Variants in CLSPN observed in about 807,000 individuals in gnomAD.
The protein encoded by CLSPN is claspin homolog.
A neutral mutation model predicts 156.3 loss-of-function variants in CLSPN; 85 were observed. That is an observed-to-expected ratio of 0.54 (90% CI 0.46 to 0.65). CLSPN has a LOEUF of 0.65. Among genes scored for constraint, CLSPN ranks in the 30% least tolerant of loss-of-function variants. CLSPN has a pLI of 0.00. For missense variants in CLSPN, 1,407 were observed against 1,554.9 expected (o/e 0.90, Z 1.60); for synonymous variants, 534 against 542.4 (o/e 0.98, Z 0.22).
chr1:35,769,331 T>G (rs972415472), intron 1 of CLSPN, among the ~76,000 whole-genome samples: 13 of 152,292 alleles, frequency 8.5e-5, no homozygotes, highest in African/African-American at 2.6e-4. Flanking sequence ...CAGCGGTGAC[T>G]TCCCCACTCG....
Position 35,736,218 on chromosome 1 carries a change from T to TAA in CLSPN, c.*276_*277dup, listed in dbSNP as rs80209680. 1.9e-3 allele frequency: 1,684 copies of TAA among 888,820 alleles called. No homozygotes were observed. The highest frequency in any genetic ancestry group is 2.3e-3 in the East Asian group (21 of 9,250). The allele number at this position is 888,820 out of a possible 1,614,324, so 55.1% of individuals were successfully genotyped here. ...GGGCAACAGAGTGAGACTCCCATCT[T>TAA]AAAAAAAAAAAAAAAAAGGAAACCT... is the stretch of plus-strand genomic sequence containing the variant. On this transcript the variant is annotated 3_prime_UTR_variant, in exon 25 of 25. Transcript: ENST00000318121.
At position 35,737,325 on chromosome 1, in the gene CLSPN, G is replaced by C; in HGVS notation, c.3747+14C>G. The C allele has an allele frequency of 6.2e-7, 1 of 1,608,332 alleles. No homozygotes were observed. Among genetic ancestry groups the C allele is most frequent in the Non-Finnish European group, 8.5e-7 (1 of 1,174,846 alleles). On this transcript the variant is annotated intron_variant, in intron 23 of 24. Transcript: ENST00000318121. The stretch of plus-strand genomic sequence containing the variant: ...GTAGACTATGATGTCAGATTAACAA[G>C]GTTCCCAACCAACCTGTTGAGCACT...
intron 18 of CLSPN, among the ~76,000 whole-genome samples, chr1:35,742,940 G>T (rs901924344): frequency 5.3e-5 from 8 of 151,722 alleles, no homozygotes; most frequent in Admixed American, 3.9e-4. Context: ...GTAGAGACAG[G>T]GTTTCACCAT....
chr1:35,761,553 G>A (rs11264199), intron 6 of CLSPN, among the ~76,000 whole-genome samples: 16,937 of 152,216 alleles, frequency 0.11, 1,661 homozygotes, highest in African/African-American at 0.27. Context: ...TGAAACTGCA[G>A]ATGGTACTAA....
intron 1 of CLSPN, among the ~76,000 whole-genome samples, chr1:35,768,022 T>C (rs1412478975): frequency 2.0e-5 from 3 of 152,190 alleles, no homozygotes; most frequent in Admixed American, 1.3e-4. Context: ...GGGAGAAATA[T>C]GAACATCAGT....
rs1450437138 is a variant in CLSPN at position 35,760,573 on chromosome 1, C to T, written c.1348G>A (p.Ala450Thr). The T allele has an allele frequency of 3.1e-6, 5 of 1,614,196 alleles. No individual in the cohort carries two copies. The highest frequency in any genetic ancestry group is 4.2e-6 in the Non-Finnish European group (5 of 1,180,032). The change falls in exon 8 of 25, where the codon GCA (alanine) becomes ACA (threonine). Residue 450 changes from alanine (A) to threonine (T), a missense_variant. Around this residue, in one of 3 missense-constraint regions of CLSPN, gnomAD observed 1,096 missense variants for 1,193.0 expected, o/e 0.92. Coordinates refer to ENST00000318121, the MANE Select transcript of CLSPN (RefSeq NM_022111.4). Reference protein sequence around the residue: ...SEECQVGGLVAFEPHALEGEG... With the variant: ...SEECQVGGLVTFEPHALEGEG... ...CCCTCCAGGGCATGAGGTTCAAATGCTACAAGCCCTCCAACCTGACATTCC... is the reference window on the plus strand; with the variant it reads ...CCCTCCAGGGCATGAGGTTCAAATGTTACAAGCCCTCCAACCTGACATTCC...
chr1:35,760,124 A>G (rs1274624631), intron 8 of CLSPN, among the ~76,000 whole-genome samples: 1 of 152,114 alleles, frequency 6.6e-6, no homozygotes, highest in Non-Finnish European at 1.5e-5. Context: ...AAGCCACCGC[A>G]CCCAGCCAAC....
intron 10 of CLSPN, among the ~76,000 whole-genome samples, 169 bp downstream of exon 10, chr1:35,751,081 T>G (rs1178644478): frequency 6.6e-6 from 1 of 151,608 alleles, no homozygotes; most frequent in Non-Finnish European, 1.5e-5. Flanking sequence ...TCAGTGGTAC[T>G]GACAGAACTG....
At chr1:35,730,084 C>G (rs78037607), downstream of CLSPN, among the ~76,000 whole-genome samples, 1 of 152,168 alleles carries the variant, frequency 6.6e-6, no homozygotes, top group African/African-American at 2.4e-5. Context: ...ACTCATTGCT[C>G]AAAAAATTCA....
downstream of CLSPN, among the ~76,000 whole-genome samples, chr1:35,730,561 C>T (rs1279814277): frequency 1.7e-5 from 2 of 115,554 alleles, no homozygotes; most frequent in Non-Finnish European, 3.3e-5. Flanking sequence ...GAGTAAGAAT[C>T]CATATTAAAA....
intron 9 of CLSPN, 113 bp downstream of exon 9, chr1:35,753,632 A>C: frequency 1.0e-6 from 1 of 998,308 alleles, no homozygotes; most frequent in Non-Finnish European, 1.5e-6. Context: ...TGCTCTGCAA[A>C]GCCTCCAAGG....
chr1:35,760,673 A>G lies in CLSPN; in HGVS notation c.1248T>C (p.Ser416=), dbSNP rs749301157. 6.2e-7 allele frequency: 1 copy of G among 1,613,908 alleles called. No individual in the cohort carries two copies. Among genetic ancestry groups the G allele is most frequent in the Non-Finnish European group, 8.5e-7 (1 of 1,180,002 alleles). ...ELEIQEKQKQ[S]DIRPSPGDSS... Reference sequence around the variant, plus strand: ...TGTCCCCAGGTGAAGGTCTAATGTCACTCTGCTTCTGTTTCTCCTGAATTT... The same window carrying G: ...TGTCCCCAGGTGAAGGTCTAATGTCGCTCTGCTTCTGTTTCTCCTGAATTT... Residue 416 remains serine, a synonymous_variant, in exon 8 of 25, where the codon AGT becomes AGC. Transcript: ENST00000318121.
intron 8 of CLSPN, among the ~76,000 whole-genome samples, chr1:35,759,190 A>C (rs909169730): frequency 2.6e-5 from 4 of 152,192 alleles, no homozygotes; most frequent in Admixed American, 2.0e-4. Flanking sequence ...AAGTGCCTAC[A>C]ATGTGTCGTC....
Position 35,736,154 on chromosome 1 carries a change from A to T in CLSPN, c.*342T>A. The stretch of plus-strand genomic sequence containing the variant: ...AATCGCTTGAACCTGGGAGGCAGAG[A>T]TTGTGGTGAGCCGAGATCACGCCAC... On this transcript the variant is annotated 3_prime_UTR_variant, in exon 25 of 25. Transcript: ENST00000318121. The T allele has an allele frequency of 1.4e-6, 1 of 730,964 alleles. No homozygotes were observed. The highest frequency in any genetic ancestry group is 1.7e-6 in the Non-Finnish European group (1 of 598,376). The allele number at this position is 730,964 out of a possible 1,614,324, so 45.3% of individuals were successfully genotyped here. A position where few individuals can be genotyped will look rare whatever the true frequency, so the allele number is the denominator to read the frequency against.
Position 35,761,174 on chromosome 1 carries a change from G to A in CLSPN, c.926C>T (p.Pro309Leu). Residue 309 changes from proline to leucine, a missense_variant, in exon 7 of 25, where the codon CCT (proline) becomes CTT (leucine). By Grantham distance (98) the Pro-to-Leu change is moderately conservative. Transcript: ENST00000318121. ...ESALNLPYHMPENKTIHDFFK... is the reference protein window; with the variant it reads ...ESALNLPYHMLENKTIHDFFK... Reference sequence around the variant, plus strand: ...GAAATCATGAATGGTTTTATTCTCAGGCATATGATATGGAAGGTTCAGTGC... The same window carrying A: ...GAAATCATGAATGGTTTTATTCTCAAGCATATGATATGGAAGGTTCAGTGC... The A allele has an allele frequency of 6.2e-7, 1 of 1,613,366 alleles. No homozygotes were observed. The highest frequency in any genetic ancestry group is 8.5e-7 in the Non-Finnish European group (1 of 1,179,350).
Position 35,746,731 on chromosome 1 carries a change from T to C in CLSPN, c.2854+35A>G, listed in dbSNP as rs1445838333. 4 of 1,395,114 alleles carry C rather than the reference T, an allele frequency of 2.9e-6. No homozygotes were observed. Among genetic ancestry groups the C allele is most frequent in the Non-Finnish European group, 4.1e-6 (4 of 981,038 alleles). 86.4% of individuals were successfully genotyped at this position (1,395,114 alleles called of 1,614,324 possible). On this transcript the variant is annotated intron_variant, in intron 15 of 24. Coordinates refer to ENST00000318121, the MANE Select transcript of CLSPN (RefSeq NM_022111.4). The surrounding 1 kb of genome is among the most constrained non-coding windows in gnomAD (Gnocchi z 4.2). ...CTTTTCAAGGGCACTGATACTTGGG[T>C]GTGGTAAGCTTGATACTCTCGGTTG...
At chr1:35,729,001 C>T (rs185276568), downstream of CLSPN, among the ~76,000 whole-genome samples, 2 of 149,056 alleles carry the variant, frequency 1.3e-5, no homozygotes, top group East Asian at 2.0e-4. Context: ...GCTGGGCCCC[C>T]AGAACCTAAT....
chr1:35,748,734 A>T, intron 12 of CLSPN, 130 bp from the exon 13 acceptor site: 4 of 713,346 alleles, frequency 5.6e-6, no homozygotes, highest in South Asian at 5.0e-5. Flanking sequence ...ATGTTCCAAA[A>T]CATTAAGTTA....
Position 35,743,454 on chromosome 1 carries a change from C to G in CLSPN, c.3042+1G>C. The G allele has an allele frequency of 2.5e-6, 4 of 1,611,656 alleles. No homozygotes were observed. The highest frequency in any genetic ancestry group is 3.4e-6 in the Non-Finnish European group (4 of 1,177,880). On this transcript the variant is annotated splice_donor_variant, in intron 17 of 24. Coordinates refer to ENST00000318121, the MANE Select transcript of CLSPN (RefSeq NM_022111.4). LOFTEE classifies it high-confidence loss of function. The stretch of plus-strand genomic sequence containing the variant: ...GATTACTTTGTTCCCTTCATACTCA[C>G]CTCATCACTATCAAACTCATTATCA...
Sources: allele counts gnomAD v4.1 joint callset (sites outside exome capture counted in the v4.1 genomes callset), GRCh38; gene constraint gnomAD v4.1.1; regional missense constraint gnomAD v4.1.1; non-coding constraint Gnocchi (gnomAD v3.1); transcripts MANE v1.5; gene names NCBI Gene and HGNC (gene_info 2026-07-23, HGNC 2026-07-21).